Variants in RERE observed in about 807,000 individuals in gnomAD.
RERE encodes the protein arginine-glutamic acid dipeptide repeats.
RERE carries 40 observed loss-of-function variants against 146.1 expected under a neutral mutation model. The observed-to-expected ratio is 0.27, with a 90% CI of 0.21 to 0.36. RERE has a LOEUF of 0.36. Among genes scored for constraint, RERE ranks in the 10% least tolerant of loss-of-function variants. The probability of loss-of-function intolerance (pLI) is 1.00; values close to 1 mark genes in which losing one functional copy is unlikely to be tolerated. For missense variants in RERE, 1,933 were observed against 2,138.7 expected, an observed-to-expected ratio of 0.90 and a Z score of 1.90; for synonymous variants, 1,003 against 866.0, an observed-to-expected ratio of 1.16 and a Z score of -2.78.
intron 11 of RERE, among the ~76,000 whole-genome samples, chr1:8,435,179 C>A: frequency 1.3e-5 from 2 of 152,238 alleles, no homozygotes; most frequent in Non-Finnish European, 2.9e-5. Context: ...ATTTGCATGC[C>A]TCTCTATAAC....
In RERE at chr1:8,764,129, C is replaced by T. The variant is rs1264824536; in HGVS notation, c.-145+53031G>A. Reference sequence around the variant, plus strand: ...CAAGATGGTTCCCACGCTGTCTTCCCTTTCCCTCATCACTGCCTCCTCCAG... The same window carrying T: ...CAAGATGGTTCCCACGCTGTCTTCCTTTTCCCTCATCACTGCCTCCTCCAG... On this transcript the variant is annotated intron_variant, in intron 1 of 22. Transcript: ENST00000400908. Among the ~76,000 whole-genome samples the T allele has an allele frequency of 4.6e-5, 7 of 152,066 alleles. No individual in the cohort carries two copies. The East Asian group carries it at 1.4e-3, about 29-fold the overall frequency.
chr1:8,702,552 C>T (rs1458251144), intron 1 of RERE, among the ~76,000 whole-genome samples: 1 of 152,116 alleles, frequency 6.6e-6, no homozygotes, highest in Non-Finnish European at 1.5e-5. Flanking sequence ...AACAGTAGTT[C>T]GGTCCAAGAA....
At chr1:8,507,597 T>C (rs1358396457) in intron 8 of RERE, among the ~76,000 whole-genome samples, 1 of 151,986 alleles carries the variant, frequency 6.6e-6, no homozygotes, top group Non-Finnish European at 1.5e-5. Flanking sequence ...TTAGTAGGGA[T>C]GGAGTTTCAC....
intron 4 of RERE, among the ~76,000 whole-genome samples, chr1:8,605,770 A>AAC (rs1646698965): frequency 6.9e-6 from 1 of 145,188 alleles, no homozygotes; most frequent in Non-Finnish European, 1.5e-5. Context: ...AAAAAAAAAA[A>AAC]ACCCCTAAAA....
intron 12 of RERE, among the ~76,000 whole-genome samples, chr1:8,416,747 A>T (rs1307814201): frequency 6.6e-6 from 1 of 152,238 alleles, no homozygotes; most frequent in Non-Finnish European, 1.5e-5. Flanking sequence ...GAATAAAGAC[A>T]GTATCATTTT....
At chr1:8,359,737 G>A (rs112938167) in intron 19 of RERE, 27 bp downstream of exon 19, 56 of 1,596,090 alleles carry the variant, frequency 3.5e-5, no homozygotes, top group South Asian at 2.9e-4. Context: ...AGCGCCCCCC[G>A]TCACACCTCG....
At chr1:8,742,867 CA>C (rs1330011632) in intron 1 of RERE, among the ~76,000 whole-genome samples, 215 of 93,158 alleles carry the variant, frequency 2.3e-3, no homozygotes, top group African/African-American at 2.9e-3. Context: ...GATCCTGTCT[CA>C]AAAAAAAAAA....
intron 1 of RERE, among the ~76,000 whole-genome samples, chr1:8,813,903 C>G (rs1046010285): frequency 1.3e-5 from 2 of 152,184 alleles, no homozygotes; most frequent in African/African-American, 4.8e-5. Flanking sequence ...GCGTGAGCCA[C>G]CGCACTAGGC....
intron 10 of RERE, among the ~76,000 whole-genome samples, chr1:8,483,928 C>T (rs1644866746): frequency 6.6e-6 from 1 of 152,178 alleles, no homozygotes; most frequent in Non-Finnish European, 1.5e-5. Context: ...ATAAATTTTA[C>T]TTACACACAG....
intron 1 of RERE, among the ~76,000 whole-genome samples, chr1:8,743,963 GTT>G (rs1640367909): frequency 6.6e-6 from 1 of 152,132 alleles, no homozygotes; most frequent in Non-Finnish European, 1.5e-5. Context: ...GAATATTTGG[GTT>G]TGTTTCACTT....
intron 7 of RERE, among the ~76,000 whole-genome samples, chr1:8,519,557 A>T (rs1336162318): frequency 6.6e-6 from 1 of 152,186 alleles, no homozygotes; most frequent in Non-Finnish European, 1.5e-5. Context: ...GTTATTATGC[A>T]AGGTTGCTAT....
intron 4 of RERE, among the ~76,000 whole-genome samples, chr1:8,600,080 A>G (rs1646603259): frequency 6.6e-6 from 1 of 152,188 alleles, no homozygotes; most frequent in South Asian, 2.1e-4. Context: ...GGTAGAGAAT[A>G]CGTCTCACAA....
intron 1 of RERE, among the ~76,000 whole-genome samples, chr1:8,659,580 G>T (rs753997431): frequency 3.3e-5 from 5 of 152,112 alleles, no homozygotes; most frequent in Non-Finnish European, 5.9e-5. Flanking sequence ...AACAAAAAAC[G>T]ATCAGCTAAC....
chr1:8,382,064 G>A (rs1322256337), intron 12 of RERE, among the ~76,000 whole-genome samples: 1 of 152,256 alleles, frequency 6.6e-6, no homozygotes, highest in Non-Finnish European at 1.5e-5. Flanking sequence ...CTAAGGATTA[G>A]TAATAACACA....
intron 11 of RERE, among the ~76,000 whole-genome samples, chr1:8,446,842 T>C (rs950335916): frequency 1.3e-5 from 2 of 148,500 alleles, no homozygotes; most frequent in African/African-American, 4.9e-5. Context: ...CCGGGCTAAT[T>C]TTTTTTTTTT....
intron 3 of RERE, among the ~76,000 whole-genome samples, chr1:8,617,640 C>A (rs1434903704): frequency 6.6e-6 from 1 of 152,078 alleles, no homozygotes; most frequent in East Asian, 1.9e-4. Flanking sequence ...GAAGGACTGT[C>A]AAAAACAAAA....
At chr1:8,688,035 C>T (rs1441544168) in intron 1 of RERE, among the ~76,000 whole-genome samples, 1 of 152,134 alleles carries the variant, frequency 6.6e-6, no homozygotes, top group East Asian at 1.9e-4. Context: ...CACAGATGGT[C>T]CCCAACTTAA....
chr1:8,543,006 T>C lies in RERE; in HGVS notation c.726-1688A>G, dbSNP rs148589213. Among the ~76,000 whole-genome samples the C allele has an allele frequency of 1.7e-3, 256 of 152,348 alleles. 6 individuals carry two copies. The East Asian group carries it at 0.041, about 24-fold the overall frequency. ...TTATTTGATCTTAACAAATAAATTA[T>C]TTGATCTTATGTAAATCTAAATAGC... On this transcript the variant is annotated intron_variant, in intron 6 of 22. Coordinates refer to ENST00000400908, the MANE Select transcript of RERE (RefSeq NM_001042681.2).
At position 8,365,881 on chromosome 1, in the gene RERE, T is replaced by C. The variant is rs199677530; in HGVS notation, c.1378A>G (p.Arg460Gly). ...HRRHRRQAVFRRIKTRTASTP... is the reference protein window; with the variant it reads ...HRRHRRQAVFGRIKTRTASTP... ...GACGCGGTGCGAGTCTTAATCCTCC[T>C]GAACACGGCCTGCCTGCGGTGCCTA... Residue 460 changes from arginine (R) to glycine (G), a missense_variant, in exon 13 of 23, where the codon AGG (arginine) becomes GGG (glycine). Physicochemically the swap from Arg to Gly is moderately radical, Grantham distance 125. Around this residue, in one of 11 missense-constraint regions of RERE, gnomAD observed 260 missense variants for 378.4 expected, o/e 0.69. Coordinates refer to ENST00000400908, the MANE Select transcript of RERE (RefSeq NM_001042681.2). 1 of 1,614,082 alleles carries C rather than the reference T, an allele frequency of 6.2e-7. No individual in the cohort carries two copies. The highest frequency in any genetic ancestry group is 8.5e-7 in the Non-Finnish European group (1 of 1,180,060).
Sources: gnomAD v4.1 joint callset for allele counts (sites outside exome capture counted in the v4.1 genomes callset) on GRCh38, gnomAD v4.1.1 for gene constraint, gnomAD v4.1.1 regional missense constraint, MANE v1.5 for transcripts, NCBI Gene and HGNC (gene_info 2026-07-23, HGNC 2026-07-21) for gene names.